The following TMEM160 variants were observed in gnomAD, a reference collection of about 807,000 sequenced individuals.
TMEM160 encodes the protein transmembrane protein 160.
TMEM160 carries 10 observed loss-of-function variants against 13.9 expected under a neutral mutation model. That is an observed-to-expected ratio of 0.72 (90% confidence interval 0.45 to 1.22). The LOEUF (loss-of-function observed/expected upper bound fraction) is 1.22, where lower values mean the gene tolerates loss of function less well. Ranked by LOEUF, TMEM160 falls within the 50% of genes most tolerant of loss-of-function variation. The probability of loss-of-function intolerance (pLI) is 0.00; values close to 1 mark genes in which losing one functional copy is unlikely to be tolerated. For synonymous variants in TMEM160, 159 were observed against 134.8 expected (o/e 1.18, Z -1.25); for missense variants, 287 against 283.2 (o/e 1.01, Z -0.10).
intron 1 of TMEM160, chr19:47,047,629 TTC>T (rs1376665046): frequency 3.1e-6 from 3 of 968,806 alleles, no homozygotes; most frequent in Non-Finnish European, 3.7e-6. Flanking sequence ...GGCAGGAGGA[TTC>T]TCTGAGCCCA....
intron 1 of TMEM160, among the ~76,000 whole-genome samples, chr19:47,048,022 G>A (rs1568514929): frequency 1.3e-5 from 2 of 151,484 alleles, no homozygotes; most frequent in African/African-American, 4.9e-5. Flanking sequence ...TCTTCTGCGG[G>A]GATCCACACT....
At chr19:47,047,353 T>C (rs1403232858) in intron 1 of TMEM160, 4 of 984,748 alleles carry the variant, frequency 4.1e-6, no homozygotes, top group Non-Finnish European at 4.8e-6. Flanking sequence ...CTCACTTCTT[T>C]CTCAGAACTC....
intron 1 of TMEM160, chr19:47,047,399 A>G: frequency 2.1e-6 from 2 of 974,812 alleles, no homozygotes; most frequent in South Asian, 4.7e-5. Flanking sequence ...GCCGCTCTTC[A>G]GCCTCGCCCT....
At chr19:47,046,338 C>G in intron 2 of TMEM160, 86 bp from the exon 3 acceptor site, 5 of 1,446,492 alleles carry the variant, frequency 3.5e-6, no homozygotes, top group East Asian at 2.5e-5. Flanking sequence ...GGAACAGAGG[C>G]AGGGCCGTGC....
At position 47,048,620 on chromosome 19, in the gene TMEM160, GCA is replaced by G; in HGVS notation, c.-8_-7del. ...CACCACCAGCCGCCTCCCATGATTC[GCA>G]CTACGGCCGCCGCGCGCCGTACCGC... On this transcript the variant is annotated 5_prime_UTR_variant, in exon 1 of 3. Coordinates refer to ENST00000253047, the MANE Select transcript of TMEM160 (RefSeq NM_017854.2). 6.5e-7 allele frequency: 1 copy of G among 1,532,744 alleles called. No homozygotes were observed. Among genetic ancestry groups the G allele is most frequent in the Non-Finnish European group, 8.7e-7 (1 of 1,149,198 alleles). The allele number at this position is 1,532,744 out of a possible 1,614,324, so 94.9% of individuals were successfully genotyped here. A position where few individuals can be genotyped will look rare whatever the true frequency, so the allele number is the denominator to read the frequency against.
chr19:47,048,531 G>A lies in TMEM160; in HGVS notation c.84C>T (p.Pro28=). 3 of 1,495,394 alleles carry A rather than the reference G, an allele frequency of 2.0e-6. No homozygotes were observed. The South Asian group carries it at 3.7e-5, about 19-fold the overall frequency. 92.6% of individuals were successfully genotyped at this position (1,495,394 alleles called of 1,614,324 possible). A position where few individuals can be genotyped will look rare whatever the true frequency, so the allele number is the denominator to read the frequency against. ...AGGACCCCCGGGCGCCCCCGCTCCG[G>A]GGCCGCTGAGGCGGCAGTAGCGACC... is the stretch of plus-strand genomic sequence containing the variant. ...FRRSLLPPQR[P]RSGGARGSFA... The change falls in exon 1 of 3, where the codon CCC becomes CCT. Residue 28 remains proline, a synonymous_variant. Coordinates refer to ENST00000253047, the MANE Select transcript of TMEM160 (RefSeq NM_017854.2).
chr19:47,048,588 C>A lies in TMEM160; in HGVS notation c.27G>T (p.Arg9=). 6.5e-7 allele frequency: 1 copy of A among 1,529,144 alleles called. No homozygotes were observed. The highest frequency in any genetic ancestry group is 8.7e-7 in the Non-Finnish European group (1 of 1,147,708). The allele number at this position is 1,529,144 out of a possible 1,614,324, so 94.7% of individuals were successfully genotyped here. ...AGCGAAGACGGGCAAGGCGAGCGGC[C>A]CGAGCCCACCACCAGCCGCCTCCCA... The part of the protein sequence containing the change: MGGGWWWA[R]AARLARLRFR... Residue 9 remains arginine, a synonymous_variant, in exon 1 of 3, where the codon CGG becomes CGT. Transcript: ENST00000253047.
At chr19:47,048,029 C>T (rs1239425727) in intron 1 of TMEM160, among the ~76,000 whole-genome samples, 1 of 151,464 alleles carries the variant, frequency 6.6e-6, no homozygotes, top group Admixed American at 6.6e-5. Flanking sequence ...CGGGGATCCA[C>T]ACTCCCGCTC....
At chr19:47,048,290 C>T in intron 1 of TMEM160, 117 bp downstream of exon 1, 1 of 925,742 alleles carries the variant, frequency 1.1e-6, no homozygotes, top group Non-Finnish European at 1.5e-6. Flanking sequence ...CACACTGAAG[C>T]CCTTCTCGGA....
At chr19:47,047,999 C>A in intron 1 of TMEM160, 1 of 892,048 alleles carries the variant, frequency 1.1e-6, no homozygotes, top group East Asian at 1.2e-4. Flanking sequence ...TTCTCCAATC[C>A]TGAACTTCCC....
At chr19:47,048,309 C>T in intron 1 of TMEM160, 98 bp downstream of exon 1, 3 of 1,114,500 alleles carry the variant, frequency 2.7e-6, no homozygotes, top group Admixed American at 3.1e-5. Context: ...GAGCCGAGCC[C>T]GGGCCCCGTT....
intron 2 of TMEM160, 34 bp downstream of exon 2, chr19:47,046,559 G>C: frequency 1.3e-6 from 2 of 1,569,882 alleles, no homozygotes; most frequent in South Asian, 2.2e-5. Context: ...GCATTCCCTG[G>C]TTCCGTGGGG....
At chr19:47,046,496 A>T in intron 2 of TMEM160, 97 bp downstream of exon 2, 1 of 1,061,856 alleles carries the variant, frequency 9.4e-7, no homozygotes. Flanking sequence ...TACTACTGGG[A>T]GTGGGATGGG....
At chr19:47,046,332 C>T in intron 2 of TMEM160, 80 bp from the exon 3 acceptor site, 1 of 1,465,852 alleles carries the variant, frequency 6.8e-7, no homozygotes, top group Non-Finnish European at 9.0e-7. Flanking sequence ...GAGACAGGAA[C>T]AGAGGCAGGG....
chr19:47,048,581 G>A lies in TMEM160; in HGVS notation c.34C>T (p.Arg12Cys). 1 of 1,523,618 alleles carries A rather than the reference G, an allele frequency of 6.6e-7. No individual in the cohort carries two copies. The highest frequency in any genetic ancestry group is 8.7e-7 in the Non-Finnish European group (1 of 1,144,968). 94.4% of individuals were successfully genotyped at this position (1,523,618 alleles called of 1,614,324 possible). Reference protein sequence around the residue: ...GGGWWWARAARLARLRFRRSL... With the variant: ...GGGWWWARAACLARLRFRRSL... ...CTCCGGAAGCGAAGACGGGCAAGGC[G>A]AGCGGCCCGAGCCCACCACCAGCCG... Residue 12 changes from arginine to cysteine, a missense_variant, in exon 1 of 3, where the codon CGC (arginine) becomes TGC (cysteine). Transcript: ENST00000253047.
chr19:47,046,114 A>G lies in TMEM160; in HGVS notation c.440T>C (p.Leu147Pro). ...GAGGCCCACGGCGCACGCCCAGAGC[A>G]GGCTGGCGGCCAGCACGGCGCCCGC... ...VGAGAVLAAS[L>P]LWACAVGLYM... The change falls in exon 3 of 3, where the codon CTG (leucine) becomes CCG (proline). Residue 147 changes from leucine (L) to proline (P), a missense_variant. Leu to Pro is a moderately conservative substitution (Grantham distance 98). Transcript: ENST00000253047. The G allele has an allele frequency of 6.6e-7, 1 of 1,515,962 alleles. No individual in the cohort carries two copies. The highest frequency in any genetic ancestry group is 8.8e-7 in the Non-Finnish European group (1 of 1,138,308). 93.9% of individuals were successfully genotyped at this position (1,515,962 alleles called of 1,614,324 possible).
At chr19:47,048,036 G>T (rs1432690318) in intron 1 of TMEM160, among the ~76,000 whole-genome samples, 1 of 150,672 alleles carries the variant, frequency 6.6e-6, no homozygotes, top group Non-Finnish European at 1.5e-5. Flanking sequence ...CCACACTCCC[G>T]CTCTCTGCAC....
intron 1 of TMEM160, 142 bp from the exon 2 acceptor site, chr19:47,046,827 C>A (rs914496133): frequency 6.1e-6 from 4 of 659,378 alleles, no homozygotes; most frequent in Non-Finnish European, 8.1e-6. Context: ...CAAATCCTCA[C>A]CTCTTCCAGG....
chr19:47,048,467 G>T lies in TMEM160; in HGVS notation c.148C>A (p.Pro50Thr). 1 of 1,408,768 alleles carries T rather than the reference G, an allele frequency of 7.1e-7. No individual in the cohort carries two copies. Among genetic ancestry groups the T allele is most frequent in the South Asian group, 1.5e-5 (1 of 65,240 alleles). The allele number at this position is 1,408,768 out of a possible 1,614,324, so 87.3% of individuals were successfully genotyped here. The change falls in exon 1 of 3, where the codon CCC (proline) becomes ACC (threonine). Residue 50 changes from proline (P) to threonine (T), a missense_variant. Pro to Thr is a conservative substitution (Grantham distance 38, BLOSUM62 -1). Coordinates refer to ENST00000253047, the MANE Select transcript of TMEM160 (RefSeq NM_017854.2). ...GHGPRAGASP[P>T]PVSELDRADA... ...GCACGATCCAGCTCGGACACTGGGG[G>T]CGGCGAAGCCCCGGCGCGGGGACCG...
Sources: gnomAD v4.1 joint callset for allele counts (sites outside exome capture counted in the v4.1 genomes callset) on GRCh38, gnomAD v4.1.1 for gene constraint, MANE v1.5 for transcripts, NCBI Gene and HGNC (gene_info 2026-07-23, HGNC 2026-07-21) for gene names.